The following GRIK2 variants were observed in gnomAD, a reference collection of about 807,000 sequenced individuals.
GRIK2 encodes the protein glutamate receptor ionotropic, kainate 2.
Under a neutral mutation model 100.3 loss-of-function variants are expected in GRIK2, and 32 were observed. That is an observed-to-expected ratio of 0.32 (90% CI 0.24 to 0.43). The LOEUF is 0.43. Ranked by LOEUF, GRIK2 falls within the 20% of genes least tolerant of loss-of-function variation. The pLI is 1.00. For missense variants in GRIK2, 843 were observed against 1,114.9 expected, an observed-to-expected ratio of 0.76 and a Z score of 3.47; for synonymous variants, 417 against 389.4, an observed-to-expected ratio of 1.07 and a Z score of -0.83.
chr6:101,940,446 G>A (rs1450442483), intron 14 of GRIK2, among the ~76,000 whole-genome samples: 1 of 151,996 alleles, frequency 6.6e-6, no homozygotes, highest in Non-Finnish European at 1.5e-5. Flanking sequence ...AAAAATAGTG[G>A]CTAACCTGTT....
intron 2 of GRIK2, among the ~76,000 whole-genome samples, chr6:101,605,511 A>G (rs9404124): frequency 0.28 from 43,111 of 151,812 alleles, 7,531 homozygotes; most frequent in African/African-American, 0.49. Flanking sequence ...CCATATTAAC[A>G]CAGGTATTTA....
chr6:101,825,555 T>G (rs548687682), intron 10 of GRIK2, among the ~76,000 whole-genome samples: 1 of 152,144 alleles, frequency 6.6e-6, no homozygotes, highest in Non-Finnish European at 1.5e-5. Flanking sequence ...TTCTTTTTCC[T>G]TTGTCCTTTA....
In GRIK2 at chr6:101,998,812, C is replaced by CTTTTTTT. The variant is rs755522043; in HGVS notation, c.2086-36516_2086-36510dup. The stretch of plus-strand genomic sequence containing the variant: ...TGTGTGAGTTTTTCTTTTTTCTTTT[C>CTTTTTTT]TTTTTTTTTTTTTTTTTTTGAGTTG... On this transcript the variant is annotated intron_variant, in intron 14 of 16. Coordinates refer to ENST00000369134, the MANE Select transcript of GRIK2 (RefSeq NM_021956.5). Among the ~76,000 whole-genome samples the CTTTTTTT allele has an allele frequency of 3.1e-3, 345 of 109,998 alleles. 1 individual carries two copies. Among genetic ancestry groups the CTTTTTTT allele is most frequent in the Non-Finnish European group, 4.1e-3 (225 of 55,390 alleles). The allele number at this position is 109,998 out of a possible 152,430, so 72.2% of individuals were successfully genotyped here. A position where few individuals can be genotyped will look rare whatever the true frequency, so the allele number is the denominator to read the frequency against.
intron 14 of GRIK2, among the ~76,000 whole-genome samples, chr6:101,984,328 AT>A (rs1364902098): frequency 4.0e-5 from 6 of 151,330 alleles, no homozygotes; most frequent in African/African-American, 1.5e-4. Flanking sequence ...AGGAAATGAG[AT>A]TTTTTTTCAG....
intron 10 of GRIK2, among the ~76,000 whole-genome samples, chr6:101,832,430 A>T (rs1782761744): frequency 6.6e-6 from 1 of 152,190 alleles, no homozygotes; most frequent in African/African-American, 2.4e-5. Flanking sequence ...GCAATTTAGG[A>T]TAAATGTAAG....
chr6:101,436,583 G>A (rs530038125), intron 2 of GRIK2, among the ~76,000 whole-genome samples: 101 of 151,914 alleles, frequency 6.6e-4, no homozygotes, highest in Non-Finnish European at 2.8e-4. Flanking sequence ...ATTTTTATGT[G>A]GGAGCAAGAA....
intron 7 of GRIK2, among the ~76,000 whole-genome samples, chr6:101,708,682 T>G (rs1773504656): frequency 6.6e-6 from 1 of 151,806 alleles, no homozygotes; most frequent in Non-Finnish European, 1.5e-5. Context: ...TAAGAGTATT[T>G]ATATTTTCTT....
intron 14 of GRIK2, chr6:101,993,943 A>G (rs1794514718): frequency 6.8e-6 from 1 of 147,176 alleles, no homozygotes; most frequent in African/African-American, 2.5e-5. Flanking sequence ...GAATATATAC[A>G]TTATAAACAA....
chr6:101,715,168 C>T (rs9404129), intron 7 of GRIK2, among the ~76,000 whole-genome samples: 19,056 of 151,708 alleles, frequency 0.13, 1,411 homozygotes, highest in East Asian at 0.28. Flanking sequence ...AGTTCAGAAA[C>T]GTCATTAAAA....
intron 2 of GRIK2, among the ~76,000 whole-genome samples, chr6:101,621,527 A>T (rs558960850): frequency 4.6e-5 from 7 of 152,232 alleles, no homozygotes; most frequent in African/African-American, 1.7e-4. Flanking sequence ...TTCAATGCTT[A>T]ATTTTATAGT....
chr6:102,042,986 T>C (rs1234809600), intron 15 of GRIK2, among the ~76,000 whole-genome samples: 1 of 151,646 alleles, frequency 6.6e-6, no homozygotes, highest in African/African-American at 2.4e-5. Context: ...ATATACAGAA[T>C]ATTAATAAAA....
At chr6:101,828,258 C>T (rs2128426652) in intron 10 of GRIK2, among the ~76,000 whole-genome samples, 1 of 151,856 alleles carries the variant, frequency 6.6e-6, no homozygotes. Flanking sequence ...TATACCAAAA[C>T]CTCTGGAATG....
chr6:102,062,425 AGAGTTCCTGT>A (rs1771799792), intron 16 of GRIK2, among the ~76,000 whole-genome samples: 1 of 150,492 alleles, frequency 6.6e-6, no homozygotes, highest in African/African-American at 2.4e-5. Flanking sequence ...TTAAGATAAT[AGAGTTCCTGT>A]CTTAGCTCTG....
At chr6:101,395,750 T>C (rs1356271022) in intron 1 of GRIK2, among the ~76,000 whole-genome samples, 3 of 152,168 alleles carry the variant, frequency 2.0e-5, no homozygotes, top group Non-Finnish European at 4.4e-5. Flanking sequence ...CAATTTATCA[T>C]AGGTTTGATA....
chr6:101,722,600 A>G (rs1272537540), intron 7 of GRIK2, among the ~76,000 whole-genome samples: 1 of 152,094 alleles, frequency 6.6e-6, no homozygotes, highest in Non-Finnish European at 1.5e-5. Flanking sequence ...TCCATTTTAT[A>G]AGGCTTCACC....
chr6:101,947,245 G>A (rs892181739), intron 14 of GRIK2, among the ~76,000 whole-genome samples: 1 of 152,060 alleles, frequency 6.6e-6, no homozygotes, highest in Non-Finnish European at 1.5e-5. Flanking sequence ...ATGTAACTGG[G>A]TGATTCTTCT....
At chr6:101,881,090 C>A (rs1302991088) in intron 11 of GRIK2, among the ~76,000 whole-genome samples, 1 of 151,860 alleles carries the variant, frequency 6.6e-6, no homozygotes, top group East Asian at 1.9e-4. Flanking sequence ...GCATCTCAAT[C>A]TTCAAAGTCT....
chr6:101,447,742 T>G lies in GRIK2; in HGVS notation c.115+48350T>G, dbSNP rs562520686. ...ATGTACTTCAAAGTCCATTATTTTT[T>G]GGGGCAATTCATATTGTTAGAAAAT... On this transcript the variant is annotated intron_variant, in intron 2 of 16. Transcript: ENST00000369134. Among the ~76,000 whole-genome samples, 24 of 151,782 alleles carry G rather than the reference T, an allele frequency of 1.6e-4. No homozygotes were observed. The East Asian group carries it at 3.9e-3, about 25-fold the overall frequency.
chr6:101,777,294 C>T (rs1325238131), intron 7 of GRIK2, among the ~76,000 whole-genome samples: 3 of 152,112 alleles, frequency 2.0e-5, no homozygotes, highest in Non-Finnish European at 2.9e-5. Context: ...GTGCAGTGTG[C>T]CAGCTGAATG....
Sources: gnomAD v4.1 joint callset for allele counts (sites outside exome capture counted in the v4.1 genomes callset) on GRCh38, gnomAD v4.1.1 for gene constraint, MANE v1.5 for transcripts, NCBI Gene and HGNC (gene_info 2026-07-23, HGNC 2026-07-21) for gene names.